The following MBD5 variants were observed in gnomAD, a reference collection of about 807,000 sequenced individuals.
The protein encoded by MBD5 is methyl-CpG binding domain protein 5, also known as methyl-CpG-binding domain protein 5.
MBD5 carries 13 observed loss-of-function variants against 117.3 expected under a neutral mutation model. The ratio of observed to expected loss-of-function variants is 0.11; its 90% CI spans 0.07 to 0.18. The LOEUF is 0.18. MBD5 is among the 10% of genes least tolerant of loss of function. The pLI is 1.00. For synonymous variants in MBD5, 727 were observed against 766.4 expected (o/e 0.95, Z 0.85); for missense variants, 1,879 against 2,093.8 (o/e 0.90, Z 2.00).
chr2:148,316,556 T>C (rs1031284874), intron 3 of MBD5, among the ~76,000 whole-genome samples: 3 of 152,124 alleles, frequency 2.0e-5, no homozygotes, highest in African/African-American at 7.2e-5. Context: ...ACCCATTCAG[T>C]GACTCAAGAT....
intron 3 of MBD5, among the ~76,000 whole-genome samples, chr2:148,314,381 T>TTTG (rs1702108410): frequency 6.8e-6 from 1 of 146,262 alleles, no homozygotes; most frequent in Non-Finnish European, 1.5e-5. Flanking sequence ...TTATGGTTTT[T>TTTG]TTTTTTTTTT....
intron 4 of MBD5, among the ~76,000 whole-genome samples, chr2:148,424,555 C>G (rs1269600836): frequency 6.6e-6 from 1 of 151,990 alleles, no homozygotes; most frequent in East Asian, 1.9e-4. Context: ...CTACAGAACT[C>G]TTCACCCCAA....
intron 1 of MBD5, among the ~76,000 whole-genome samples, chr2:148,152,473 A>C (rs1386213566): frequency 6.6e-6 from 1 of 151,924 alleles, no homozygotes; most frequent in South Asian, 2.1e-4. Context: ...TGCAGAGCTG[A>C]GTTCAATTCC....
At chr2:148,144,570 T>G (rs900109019) in intron 1 of MBD5, among the ~76,000 whole-genome samples, 19 of 152,364 alleles carry the variant, frequency 1.2e-4, no homozygotes, top group South Asian at 8.3e-4. Flanking sequence ...CTAGGGTTTT[T>G]ATGGTTTTAT....
At chr2:148,416,620 A>T (rs1302485115) in intron 4 of MBD5, among the ~76,000 whole-genome samples, 2 of 151,598 alleles carry the variant, frequency 1.3e-5, no homozygotes, top group Admixed American at 1.3e-4. Context: ...TATATATTTA[A>T]TTTTTTTTTA....
chr2:148,178,659 T>C, intron 1 of MBD5, 41 bp from the exon 2 acceptor site: 1 of 397,420 alleles, frequency 2.5e-6, no homozygotes, highest in East Asian at 3.6e-5. Context: ...GCAATATCTA[T>C]AATCTCAAAT....
intron 9 of MBD5, among the ~76,000 whole-genome samples, chr2:148,484,394 T>C (rs1681268543): frequency 6.6e-6 from 1 of 152,166 alleles, no homozygotes; most frequent in African/African-American, 2.4e-5. Flanking sequence ...TGATGCCACC[T>C]AAACCTAACC....
intron 11 of MBD5, among the ~76,000 whole-genome samples, chr2:148,498,359 G>A (rs865905648): frequency 6.6e-6 from 1 of 152,086 alleles, no homozygotes; most frequent in Admixed American, 6.5e-5. Flanking sequence ...CAGGTTCTTC[G>A]TTTTTGTTTG....
chr2:148,511,071 G>A (rs1217402366), intron 13 of MBD5, among the ~76,000 whole-genome samples: 1 of 152,110 alleles, frequency 6.6e-6, no homozygotes, highest in Non-Finnish European at 1.5e-5. Context: ...TGAGTCTGGT[G>A]CTGGTTGAGG....
intron 8 of MBD5, among the ~76,000 whole-genome samples, chr2:148,480,466 A>C (rs767472778): frequency 6.6e-6 from 1 of 152,158 alleles, no homozygotes; most frequent in Non-Finnish European, 1.5e-5. Context: ...TGATCTCTAC[A>C]TCTAAATATG....
chr2:148,208,450 T>C (rs1699337773), intron 2 of MBD5, among the ~76,000 whole-genome samples: 1 of 151,680 alleles, frequency 6.6e-6, no homozygotes, highest in Admixed American at 6.6e-5. Flanking sequence ...AGAGATGGAG[T>C]TTCACCATGT....
chr2:148,466,973 A>G (rs1707284551), intron 7 of MBD5, among the ~76,000 whole-genome samples: 1 of 152,220 alleles, frequency 6.6e-6, no homozygotes, highest in Non-Finnish European at 1.5e-5. Flanking sequence ...ATGTGTAATT[A>G]TCCAGTTAAG....
At chr2:148,108,198 A>G (rs1696418392) in intron 1 of MBD5, among the ~76,000 whole-genome samples, 2 of 152,222 alleles carry the variant, frequency 1.3e-5, no homozygotes, top group South Asian at 4.1e-4. Flanking sequence ...CTCTAGACAC[A>G]GAGTATCAGA....
intron 4 of MBD5, among the ~76,000 whole-genome samples, chr2:148,447,171 G>A: frequency 7.9e-6 from 1 of 126,308 alleles, no homozygotes; most frequent in Admixed American, 8.6e-5. Flanking sequence ...AAGGAAGAAA[G>A]GAAGAAGGAA....
intron 1 of MBD5, among the ~76,000 whole-genome samples, chr2:148,142,265 C>T (rs553119602): frequency 5.3e-5 from 8 of 152,038 alleles, no homozygotes; most frequent in South Asian, 2.1e-4. Flanking sequence ...ATATCCAGCA[C>T]GATAAATAAT....
intron 1 of MBD5, chr2:148,055,535 C>G (rs1216145946): frequency 1.3e-5 from 2 of 152,160 alleles, no homozygotes; most frequent in African/African-American, 4.9e-5. Flanking sequence ...CGGGTTCAAG[C>G]GATTCTCCTG....
At chr2:148,314,928 T>G (rs977370351) in intron 3 of MBD5, among the ~76,000 whole-genome samples, 1 of 152,162 alleles carries the variant, frequency 6.6e-6, no homozygotes, top group Non-Finnish European at 1.5e-5. Context: ...TTATATCCAT[T>G]CAATTCACTT....
At chr2:148,288,128 C>T (rs1360567697) in intron 3 of MBD5, among the ~76,000 whole-genome samples, 5 of 151,444 alleles carry the variant, frequency 3.3e-5, no homozygotes, top group Admixed American at 1.3e-4. Context: ...TGGCCGGGCG[C>T]GGTGGCTCAC....
chr2:148,324,034 G>C (rs1043547026), intron 3 of MBD5, among the ~76,000 whole-genome samples: 1 of 152,128 alleles, frequency 6.6e-6, no homozygotes, highest in Non-Finnish European at 1.5e-5. Flanking sequence ...GTGTAAGGAA[G>C]GGATCCAGTT....
Sources: gnomAD v4.1 joint callset for allele counts (sites outside exome capture counted in the v4.1 genomes callset) on GRCh38, gnomAD v4.1.1 for gene constraint, MANE v1.5 for transcripts, NCBI Gene and HGNC (gene_info 2026-07-23, HGNC 2026-07-21) for gene names.